The following ZFPM2 variants were observed in gnomAD, a reference collection of about 807,000 sequenced individuals.
ZFPM2 encodes zinc finger protein, FOG family member 2.
ZFPM2 carries 20 observed loss-of-function variants against 98.6 expected under a neutral mutation model. The observed-to-expected ratio is 0.20, with a 90% confidence interval of 0.14 to 0.29. ZFPM2 has a LOEUF of 0.29. ZFPM2 is among the 10% of genes least tolerant of loss of function. The probability of loss-of-function intolerance (pLI) is 1.00; values close to 1 mark genes in which losing one functional copy is unlikely to be tolerated. For missense variants in ZFPM2, 1,310 were observed against 1,388.6 expected, an observed-to-expected ratio of 0.94 and a Z score of 0.90; for synonymous variants, 518 against 502.7, an observed-to-expected ratio of 1.03 and a Z score of -0.41.
At chr8:105,662,159 G>C (rs909684956) in intron 5 of ZFPM2, among the ~76,000 whole-genome samples, 22 of 152,084 alleles carry the variant, frequency 1.4e-4, no homozygotes, top group African/African-American at 5.3e-4. Flanking sequence ...TCAGGAATGC[G>C]GAGGAACTGA....
At chr8:105,446,926 AAGT>A (rs1398554717) in intron 3 of ZFPM2, among the ~76,000 whole-genome samples, 2 of 152,064 alleles carry the variant, frequency 1.3e-5, no homozygotes, top group South Asian at 2.1e-4. Flanking sequence ...ATTAGGGAGA[AAGT>A]AGGGGGTATT....
rs181477470 is a variant in ZFPM2, at chr8:105,555,931, T to G, written c.302-5432T>G. 6.6e-5 allele frequency among the ~76,000 whole-genome samples: 10 copies of G among 152,178 alleles called. No homozygotes were observed. In the Middle Eastern group the frequency reaches 0.01, roughly 155 times the overall value. ...AGGAGGAATGGAAGGAGAAGAAGGCTTTTTTGACTGGAGGGAAGAACACAT... is the reference window on the plus strand; with the variant it reads ...AGGAGGAATGGAAGGAGAAGAAGGCGTTTTTGACTGGAGGGAAGAACACAT... On this transcript the variant is annotated intron_variant, in intron 3 of 7. Coordinates refer to ENST00000407775, the MANE Select transcript of ZFPM2 (RefSeq NM_012082.4).
chr8:105,703,247 C>T (rs1328698879), intron 5 of ZFPM2, among the ~76,000 whole-genome samples: 1 of 152,014 alleles, frequency 6.6e-6, no homozygotes, highest in Non-Finnish European at 1.5e-5. Context: ...TATGGAGCAC[C>T]CACTGTCTAC....
At chr8:105,394,313 A>G (rs1160372000) in intron 1 of ZFPM2, among the ~76,000 whole-genome samples, 1 of 152,166 alleles carries the variant, frequency 6.6e-6, no homozygotes, top group African/African-American at 2.4e-5. Context: ...TTGTTTAGGG[A>G]AGGGTGTTTT....
At chr8:105,427,600 G>A (rs1270641164) in intron 2 of ZFPM2, among the ~76,000 whole-genome samples, 2 of 152,104 alleles carry the variant, frequency 1.3e-5, no homozygotes, top group Non-Finnish European at 2.9e-5. Flanking sequence ...TAAAGTGTTT[G>A]CCCACCCATT....
At chr8:105,468,434 A>G (rs1244481996) in intron 3 of ZFPM2, among the ~76,000 whole-genome samples, 3 of 152,012 alleles carry the variant, frequency 2.0e-5, no homozygotes, top group African/African-American at 7.2e-5. Context: ...ACATACCTAG[A>G]CACTCCCTTC....
chr8:105,415,835 C>T (rs992391860), intron 1 of ZFPM2, among the ~76,000 whole-genome samples: 2 of 151,960 alleles, frequency 1.3e-5, no homozygotes, highest in African/African-American at 2.4e-5. Context: ...TTTTAAAGTA[C>T]AGTAATTATA....
chr8:105,604,227 T>C (rs755670729), intron 4 of ZFPM2, among the ~76,000 whole-genome samples: 4 of 152,000 alleles, frequency 2.6e-5, no homozygotes, highest in Non-Finnish European at 5.9e-5. Context: ...TTAGCCTTAA[T>C]TCCTCTCTTT....
intron 2 of ZFPM2, among the ~76,000 whole-genome samples, chr8:105,432,554 G>A (rs1170045152): frequency 6.6e-6 from 1 of 152,120 alleles, no homozygotes; most frequent in Non-Finnish European, 1.5e-5. Flanking sequence ...CAAACAGAAG[G>A]GAAAGTGGTT....
At chr8:105,634,016 GAA>G (rs34543965) in intron 4 of ZFPM2, among the ~76,000 whole-genome samples, 14,566 of 147,042 alleles carry the variant, frequency 0.099, 946 homozygotes, top group Middle Eastern at 0.22. Flanking sequence ...TATCATTTAG[GAA>G]AAAAAAAAAA....
intron 1 of ZFPM2, among the ~76,000 whole-genome samples, chr8:105,330,623 T>TACAC (rs1563607011): frequency 4.3e-4 from 39 of 89,860 alleles, no homozygotes; most frequent in South Asian, 3.9e-3. Flanking sequence ...CATATATATA[T>TACAC]ATATATATAC....
intron 4 of ZFPM2, among the ~76,000 whole-genome samples, chr8:105,586,680 C>G (rs1815724104): frequency 6.6e-6 from 1 of 151,610 alleles, no homozygotes; most frequent in Non-Finnish European, 1.5e-5. Context: ...CTTGGCCTTC[C>G]AAAGTGCTGG....
intron 2 of ZFPM2, among the ~76,000 whole-genome samples, chr8:105,437,594 T>C (rs896814737): frequency 1.3e-5 from 2 of 152,224 alleles, no homozygotes; most frequent in African/African-American, 4.8e-5. Flanking sequence ...TCAAACTCTT[T>C]AGCATCTTAA....
At chr8:105,523,655 G>A (rs149917778) in intron 3 of ZFPM2, among the ~76,000 whole-genome samples, 17 of 152,236 alleles carry the variant, frequency 1.1e-4, no homozygotes, top group East Asian at 3.9e-4. Flanking sequence ...CCCTACCTCC[G>A]TGCCAGTGGT....
At chr8:105,547,939 A>T (rs966981342) in intron 3 of ZFPM2, among the ~76,000 whole-genome samples, 1 of 152,266 alleles carries the variant, frequency 6.6e-6, no homozygotes, top group East Asian at 1.9e-4. Context: ...GTATTCTGAT[A>T]TATAGTCATG....
intron 4 of ZFPM2, among the ~76,000 whole-genome samples, chr8:105,630,962 C>G (rs1276713402): frequency 6.6e-6 from 1 of 152,044 alleles, no homozygotes. Context: ...CCAGAAAAAC[C>G]AGGATGGTTG....
At chr8:105,730,667 G>A (rs1433745091) in intron 5 of ZFPM2, among the ~76,000 whole-genome samples, 1 of 151,598 alleles carries the variant, frequency 6.6e-6, no homozygotes, top group Admixed American at 6.6e-5. Context: ...TTCTTTTTAG[G>A]ATGGCATATT....
intron 3 of ZFPM2, among the ~76,000 whole-genome samples, chr8:105,467,726 GATACAC>G (rs371908493): frequency 6.6e-6 from 1 of 151,840 alleles, no homozygotes; most frequent in Non-Finnish European, 1.5e-5. Flanking sequence ...AAAGTGATTA[GATACAC>G]ATACACATAC....
intron 3 of ZFPM2, among the ~76,000 whole-genome samples, chr8:105,546,453 C>T (rs941280120): frequency 3.3e-5 from 5 of 151,530 alleles, no homozygotes; most frequent in African/African-American, 9.7e-5. Context: ...CCTGTAATCC[C>T]AGCTACTCAG....
Sources: gnomAD v4.1 joint callset for allele counts (sites outside exome capture counted in the v4.1 genomes callset) on GRCh38, gnomAD v4.1.1 for gene constraint, MANE v1.5 for transcripts, NCBI Gene and HGNC (gene_info 2026-07-23, HGNC 2026-07-21) for gene names.